The following SHTN1 variants were observed in gnomAD, a reference collection of about 807,000 sequenced individuals.
The protein encoded by SHTN1 is shootin-1.
Under a neutral mutation model 83.1 loss-of-function variants are expected in SHTN1, and 42 were observed. The observed-to-expected ratio is 0.51, with a 90% CI of 0.39 to 0.65. The LOEUF (loss-of-function observed/expected upper bound fraction) is 0.65, where lower values mean the gene tolerates loss of function less well. SHTN1 is among the 30% of genes least tolerant of loss of function. The pLI is 0.00. For missense variants in SHTN1, 622 were observed against 737.8 expected, an observed-to-expected ratio of 0.84 and a Z score of 1.82; for synonymous variants, 224 against 247.7, an observed-to-expected ratio of 0.90 and a Z score of 0.90.
At chr10:116,957,253 T>C (rs1170851072) in intron 4 of SHTN1, among the ~76,000 whole-genome samples, 2 of 151,978 alleles carry the variant, frequency 1.3e-5, no homozygotes, top group African/African-American at 4.8e-5. Context: ...ATATATCTTT[T>C]TACTTTTTTT....
At chr10:117,126,014 C>T (rs1853999853) in intron 1 of SHTN1, among the ~76,000 whole-genome samples, 1 of 152,312 alleles carries the variant, frequency 6.6e-6, no homozygotes, top group Admixed American at 6.5e-5. Flanking sequence ...CTTAGCAAGC[C>T]CCTCAGCCCC....
intron 1 of SHTN1, among the ~76,000 whole-genome samples, chr10:117,049,184 G>A (rs1194192763): frequency 6.6e-6 from 1 of 152,140 alleles, no homozygotes; most frequent in African/African-American, 2.4e-5. Context: ...TCATGGTTCA[G>A]GTCAGGGATG....
chr10:117,090,796 A>G (rs999274269), intron 1 of SHTN1, among the ~76,000 whole-genome samples: 1 of 133,448 alleles, frequency 7.5e-6, no homozygotes, highest in Admixed American at 7.6e-5. Context: ...GAAGGAAGGA[A>G]GGAAGGAAGG....
intron 3 of SHTN1, 142 bp downstream of exon 3, chr10:116,968,510 G>C (rs975625139): frequency 1.8e-6 from 1 of 568,002 alleles, no homozygotes; most frequent in African/African-American, 1.9e-5. Context: ...TGATGCCTGG[G>C]CATGTTTGGA....
At chr10:117,030,280 G>C (rs1215332245) in intron 2 of SHTN1, among the ~76,000 whole-genome samples, 1 of 152,178 alleles carries the variant, frequency 6.6e-6, no homozygotes, top group African/African-American at 2.4e-5. Flanking sequence ...GAATGTGTGA[G>C]AACTACAGCA....
rs549075611 is a variant in SHTN1 at position 116,969,135 on chromosome 10, G to C, written c.112-423C>G. On this transcript the variant is annotated intron_variant, in intron 2 of 16. Coordinates refer to ENST00000355371, the MANE Select transcript of SHTN1 (RefSeq NM_001127211.3). ...GTGCATACCTGGGAGGTAATGGAAA[G>C]ACTACCGCAGGCCAGGCGTGGTGGC... 5.9e-5 allele frequency among the ~76,000 whole-genome samples: 9 copies of C among 152,268 alleles called. No individual in the cohort carries two copies. In the East Asian group the frequency reaches 1.7e-3, roughly 29 times the overall value.
At chr10:116,943,209 A>G (rs924419892) in intron 8 of SHTN1, among the ~76,000 whole-genome samples, 3 of 152,126 alleles carry the variant, frequency 2.0e-5, no homozygotes, top group Non-Finnish European at 4.4e-5. Flanking sequence ...AACCACTAAG[A>G]CTGAAGACCA....
intron 2 of SHTN1, among the ~76,000 whole-genome samples, chr10:117,047,665 G>T (rs1181160417): frequency 6.6e-6 from 1 of 151,526 alleles, no homozygotes; most frequent in Non-Finnish European, 1.5e-5. Context: ...GAAATTTCAG[G>T]CCTGGCCTAA....
intron 1 of SHTN1, among the ~76,000 whole-genome samples, chr10:117,095,203 C>A (rs1469462521): frequency 6.6e-6 from 1 of 152,192 alleles, no homozygotes; most frequent in East Asian, 1.9e-4. Flanking sequence ...CAGTGACCAA[C>A]AAAATAACCT....
At chr10:117,035,212 G>T (rs960764892) in intron 2 of SHTN1, among the ~76,000 whole-genome samples, 1 of 152,138 alleles carries the variant, frequency 6.6e-6, no homozygotes, top group Non-Finnish European at 1.5e-5. Flanking sequence ...TTCAACAAAG[G>T]TGCCAAGAAC....
At chr10:117,003,138 A>G (rs1851880068) in intron 1 of SHTN1, among the ~76,000 whole-genome samples, 1 of 152,088 alleles carries the variant, frequency 6.6e-6, no homozygotes, top group Admixed American at 6.6e-5. Context: ...CTGACCAACC[A>G]TAAGAAGATC....
chr10:117,039,850 CAAA>C (rs71013633), intron 2 of SHTN1, among the ~76,000 whole-genome samples: 90 of 129,604 alleles, frequency 6.9e-4, no homozygotes, highest in Non-Finnish European at 8.9e-4. Flanking sequence ...GAGACTCCAT[CAAA>C]AAAAAAAAAA....
At chr10:117,047,544 T>C (rs1001782140) in intron 2 of SHTN1, among the ~76,000 whole-genome samples, 1 of 152,182 alleles carries the variant, frequency 6.6e-6, no homozygotes, top group African/African-American at 2.4e-5. Context: ...ATAATTGCGA[T>C]ACAGTTTGAC....
At chr10:117,111,804 GT>G (rs1257894276) in intron 1 of SHTN1, among the ~76,000 whole-genome samples, 2 of 152,004 alleles carry the variant, frequency 1.3e-5, no homozygotes, top group Admixed American at 6.6e-5. Flanking sequence ...CCTCCACTTG[GT>G]CCAAATGAGA....
chr10:116,886,292 C>A lies in SHTN1; in HGVS notation c.*52G>T. The A allele has an allele frequency of 1.3e-6, 2 of 1,550,734 alleles. No homozygotes were observed. The highest frequency in any genetic ancestry group is 1.2e-5 in the South Asian group (1 of 83,952). On this transcript the variant is annotated 3_prime_UTR_variant, in exon 17 of 17. Transcript: ENST00000355371. The stretch of plus-strand genomic sequence containing the variant: ...CCCTTGCCAATATAACAACACTAAT[C>A]ATGTGCTTATTGAAAAGGACTTCCA...
chr10:117,091,352 C>T (rs1010911651), intron 1 of SHTN1, among the ~76,000 whole-genome samples: 1 of 152,152 alleles, frequency 6.6e-6, no homozygotes, highest in Non-Finnish European at 1.5e-5. Context: ...GAATCTGAGA[C>T]ACAGGCTAAA....
chr10:117,121,465 G>A (rs1448321299), intron 1 of SHTN1, among the ~76,000 whole-genome samples: 4 of 152,026 alleles, frequency 2.6e-5, no homozygotes, highest in Admixed American at 2.6e-4. Flanking sequence ...TGTAATCCCA[G>A]CTACTTGGGA....
intron 1 of SHTN1, among the ~76,000 whole-genome samples, chr10:117,051,182 C>A (rs548741451): frequency 6.6e-6 from 1 of 152,236 alleles, no homozygotes; most frequent in South Asian, 2.1e-4. Flanking sequence ...CCTAGAAACA[C>A]AAACTACCAC....
chr10:116,916,755 G>A (rs995318812), intron 12 of SHTN1, among the ~76,000 whole-genome samples: 34 of 152,190 alleles, frequency 2.2e-4, no homozygotes, highest in African/African-American at 8.0e-4. Context: ...AGAGACCAGA[G>A]GTTTCCATTA....
Sources: gnomAD v4.1 joint callset for allele counts (sites outside exome capture counted in the v4.1 genomes callset) on GRCh38, gnomAD v4.1.1 for gene constraint, MANE v1.5 for transcripts, NCBI Gene and HGNC (gene_info 2026-07-23, HGNC 2026-07-21) for gene names.